Variants in CHL1 observed in about 807,000 individuals in gnomAD.
CHL1 encodes cell adhesion molecule L1 like, also known as neural cell adhesion molecule L1-like protein.
CHL1 carries 96 observed loss-of-function variants against 141.9 expected under a neutral mutation model. The ratio of observed to expected loss-of-function variants is 0.68; its 90% CI spans 0.57 to 0.80. CHL1 has a LOEUF of 0.80. Ranked by LOEUF, CHL1 falls within the 30% of genes least tolerant of loss-of-function variation. CHL1 has a pLI of 0.00. For synonymous variants in CHL1, 613 were observed against 502.2 expected (o/e 1.22, Z -2.95); for missense variants, 1,820 against 1,457.2 (o/e 1.25, Z -4.05).
intron 11 of CHL1, among the ~76,000 whole-genome samples, chr3:356,453 C>T (rs1428867765): frequency 1.3e-5 from 2 of 152,116 alleles, no homozygotes; most frequent in Non-Finnish European, 2.9e-5. Flanking sequence ...GGACTTCATG[C>T]TTGAGATATA....
chr3:208,426 A>G (rs1413560341), intron 1 of CHL1, among the ~76,000 whole-genome samples: 2 of 150,862 alleles, frequency 1.3e-5, no homozygotes, highest in Non-Finnish European at 2.9e-5. Flanking sequence ...GGAGTGTGTC[A>G]TCATTTCCCA....
At chr3:222,334 G>A (rs531824129) in intron 1 of CHL1, among the ~76,000 whole-genome samples, 1 of 152,152 alleles carries the variant, frequency 6.6e-6, no homozygotes, top group Admixed American at 6.5e-5. Context: ...TGGAGCTCAG[G>A]GGAAGCTGCC....
intron 1 of CHL1, among the ~76,000 whole-genome samples, chr3:210,667 A>G (rs901680902): frequency 6.6e-6 from 1 of 152,266 alleles, no homozygotes; most frequent in Non-Finnish European, 1.5e-5. Context: ...CAAGGTAGCA[A>G]GAAATACAAA....
chr3:250,985 TCC>T (rs1261728161), intron 2 of CHL1, among the ~76,000 whole-genome samples: 58 of 152,160 alleles, frequency 3.8e-4, no homozygotes, highest in Non-Finnish European at 6.8e-4. Flanking sequence ...ACAGTTCTTA[TCC>T]TCATGAAGCT....
At chr3:252,947 G>A (rs3913283) in intron 2 of CHL1, among the ~76,000 whole-genome samples, 43,705 of 151,512 alleles carry the variant, frequency 0.29, 7,113 homozygotes, top group African/African-American at 0.45. Context: ...TTACTGTAAT[G>A]TAACTATATA....
chr3:359,982 G>T (rs1280103839), intron 11 of CHL1, among the ~76,000 whole-genome samples: 1 of 152,134 alleles, frequency 6.6e-6, no homozygotes, highest in Admixed American at 6.6e-5. Flanking sequence ...CATAGGTCTT[G>T]AATGCCTAAA....
intron 5 of CHL1, among the ~76,000 whole-genome samples, chr3:330,369 T>C (rs1402777490): frequency 1.3e-5 from 2 of 152,046 alleles, no homozygotes; most frequent in East Asian, 1.9e-4. Context: ...TTTAAAGACA[T>C]ATTAGAAAAA....
chr3:262,806 A>G (rs1443565884), intron 2 of CHL1, among the ~76,000 whole-genome samples: 1 of 152,220 alleles, frequency 6.6e-6, no homozygotes, highest in Non-Finnish European at 1.5e-5. Context: ...GTTAAAACTC[A>G]TAATGTTTAA....
intron 1 of CHL1, among the ~76,000 whole-genome samples, chr3:239,641 C>T (rs184366009): frequency 1.0e-4 from 15 of 149,714 alleles, no homozygotes; most frequent in East Asian, 1.9e-4. Context: ...TTTTGGGAAA[C>T]GGGTGGTATT....
At chr3:211,433 C>G (rs1415099955) in intron 1 of CHL1, among the ~76,000 whole-genome samples, 2 of 152,136 alleles carry the variant, frequency 1.3e-5, no homozygotes, top group Non-Finnish European at 2.9e-5. Flanking sequence ...CTGCTTATTC[C>G]TCTCCAAATT....
intron 10 of CHL1, among the ~76,000 whole-genome samples, chr3:352,589 T>G (rs1321080857): frequency 6.6e-6 from 1 of 152,162 alleles, no homozygotes; most frequent in African/African-American, 2.4e-5. Flanking sequence ...AGGATGGTAT[T>G]TTTCCTCAGA....
At chr3:334,594 T>C (rs1047617760) in intron 5 of CHL1, among the ~76,000 whole-genome samples, 2 of 152,240 alleles carry the variant, frequency 1.3e-5, no homozygotes, top group African/African-American at 4.8e-5. Context: ...ATCCATGTAG[T>C]AGCATATATC....
intron 1 of CHL1, among the ~76,000 whole-genome samples, chr3:202,836 C>T (rs1359792305): frequency 1.3e-5 from 2 of 152,144 alleles, no homozygotes; most frequent in Admixed American, 6.5e-5. Flanking sequence ...TGTATAATTT[C>T]GTTTTTCAAC....
intron 1 of CHL1, among the ~76,000 whole-genome samples, chr3:228,633 T>C (rs1203744361): frequency 6.6e-6 from 1 of 152,192 alleles, no homozygotes; most frequent in African/African-American, 2.4e-5. Context: ...CTTCACATGG[T>C]ATAGAGTGTG....
chr3:377,858 A>T lies in CHL1; in HGVS notation c.1792A>T (p.Thr598Ser). 1 of 1,610,586 alleles carries T rather than the reference A, an allele frequency of 6.2e-7. No individual in the cohort carries two copies. The change falls in exon 16 of 28, where the codon ACT (threonine) becomes TCT (serine). Residue 598 changes from threonine to serine, a missense_variant. Thr to Ser is a moderately conservative substitution (Grantham distance 58, BLOSUM62 1). Coordinates refer to ENST00000256509, the MANE Select transcript of CHL1 (RefSeq NM_006614.4). The part of the protein sequence containing the change: ...DGANLTISNV[T>S]LEDQGIYCCS... ...AGCTAATTTGACCATATCTAATGTA[A>T]CTTTAGAGGACCAAGGTATTTACTG...
At chr3:281,560 T>A (rs1419436747) in intron 2 of CHL1, among the ~76,000 whole-genome samples, 4 of 44,600 alleles carry the variant, frequency 9.0e-5, no homozygotes, top group African/African-American at 5.8e-4. Context: ...AATTTGTACC[T>A]TTTTTTTTTT....
At chr3:353,989 C>T (rs1189848186) in intron 10 of CHL1, among the ~76,000 whole-genome samples, 1 of 152,152 alleles carries the variant, frequency 6.6e-6, no homozygotes, top group African/African-American at 2.4e-5. Context: ...TATTGTTACA[C>T]TGGAGCATTA....
chr3:361,949 C>G, intron 13 of CHL1, 139 bp downstream of exon 13: 1 of 596,552 alleles, frequency 1.7e-6, no homozygotes, highest in Non-Finnish European at 3.0e-6. Context: ...AGGTAACAAA[C>G]TTACCGGTCC....
intron 18 of CHL1, 142 bp from the exon 19 acceptor site, chr3:383,674 T>C: frequency 1.9e-6 from 1 of 513,740 alleles, no homozygotes; most frequent in Non-Finnish European, 3.5e-6. Flanking sequence ...CTTAAATCTT[T>C]TTAGGAACTG....
Sources: allele counts gnomAD v4.1 joint callset (sites outside exome capture counted in the v4.1 genomes callset), GRCh38; gene constraint gnomAD v4.1.1; transcripts MANE v1.5; gene names NCBI Gene and HGNC (gene_info 2026-07-23, HGNC 2026-07-21).